COL18A1: variants seen among roughly 807,000 people sequenced by gnomAD.
COL18A1 encodes the protein collagen alpha-1(XVIII) chain.
COL18A1 carries 133 observed loss-of-function variants against 168.0 expected under a neutral mutation model. The observed-to-expected ratio is 0.79, with a 90% confidence interval of 0.69 to 0.91. COL18A1 has a LOEUF of 0.91. Among genes scored for constraint, COL18A1 ranks in the 40% least tolerant of loss-of-function variants. The probability of loss-of-function intolerance (pLI) is 0.00; values close to 1 mark genes in which losing one functional copy is unlikely to be tolerated. For synonymous variants in COL18A1, 949 were observed against 809.0 expected, an observed-to-expected ratio of 1.17 and a Z score of -2.94; for missense variants, 2,126 against 1,925.4, an observed-to-expected ratio of 1.10 and a Z score of -1.95.
chr21:45,457,488 G>C lies in COL18A1; in HGVS notation c.107-10754G>C, dbSNP rs1402568360. On this transcript the variant is annotated intron_variant, in intron 2 of 41. Coordinates refer to ENST00000651438, the MANE Select transcript of COL18A1 (RefSeq NM_001379500.1). The surrounding 1 kb of genome is among the most constrained non-coding windows in gnomAD (Gnocchi z 4.6). ...CCCTGCCACAGTGGGGGCCGCTTCT[G>C]GGCCCAGGGGACGTTGCCCCATCAC... Among the ~76,000 whole-genome samples, 2 of 152,210 alleles carry C rather than the reference G, an allele frequency of 1.3e-5. No individual in the cohort carries two copies. Among genetic ancestry groups the C allele is most frequent in the Non-Finnish European group, 2.9e-5 (2 of 68,040 alleles).
chr21:45,412,522 G>A (rs1241395669), intron 2 of COL18A1, among the ~76,000 whole-genome samples: 4 of 152,174 alleles, frequency 2.6e-5, no homozygotes, highest in Non-Finnish European at 5.9e-5. Context: ...GATTCCAGGC[G>A]TGTGCCACTG....
intron 2 of COL18A1, chr21:45,456,988 T>G: frequency 1.8e-4 from 168 of 912,984 alleles, no homozygotes; most frequent in Non-Finnish European, 2.2e-4. Context: ...ATCGAATCTC[T>G]ACGTTCAGGG....
rs186139814 is a variant in COL18A1, at chr21:45,431,017, G to A, written c.106+25544G>A. On this transcript the variant is annotated intron_variant, in intron 2 of 41. Coordinates refer to ENST00000651438, the MANE Select transcript of COL18A1 (RefSeq NM_001379500.1). ...GCCCTTGCCTGTTGACGGGCGGGCC[G>A]AGCAGGACTGTTCTCAGGCAGGCAC... Among the ~76,000 whole-genome samples, 543 of 152,372 alleles carry A rather than the reference G, an allele frequency of 3.6e-3. 5 individuals are homozygous for A. The highest frequency in any genetic ancestry group is 0.012 in the African/African-American group (501 of 41,586).
chr21:45,502,094 C>T (rs951664373), intron 32 of COL18A1, among the ~76,000 whole-genome samples: 3 of 151,110 alleles, frequency 2.0e-5, no homozygotes, highest in African/African-American at 4.9e-5. Flanking sequence ...GCTCCACAGC[C>T]GGTCACCTCC....
chr21:45,455,951 G>C (rs2145852221), intron 2 of COL18A1: 1 of 1,613,088 alleles, frequency 6.2e-7, no homozygotes, highest in Non-Finnish European at 8.5e-7. Context: ...GGCCAGGGCG[G>C]AAACCCTGGT....
intron 38 of COL18A1, among the ~76,000 whole-genome samples, chr21:45,508,416 A>G (rs1029102964): frequency 4.1e-5 from 5 of 120,984 alleles, no homozygotes; most frequent in Non-Finnish European, 6.6e-5. Flanking sequence ...AGATGAGTGG[A>G]TGAATGGGTG....
chr21:45,408,816 G>A (rs990816735), intron 2 of COL18A1, among the ~76,000 whole-genome samples: 1 of 152,190 alleles, frequency 6.6e-6, no homozygotes, highest in Admixed American at 6.5e-5. Context: ...TTGGAGACCC[G>A]AGGCCACCCT....
intron 38 of COL18A1, among the ~76,000 whole-genome samples, chr21:45,508,038 TACGTAGGTA>T: frequency 6.6e-6 from 1 of 150,522 alleles, no homozygotes; most frequent in Admixed American, 6.6e-5. Context: ...GGTGAGTGGA[TACGTAGGTA>T]GATGGGGAGG....
rs112155290 is a variant in COL18A1 at position 45,505,302 on chromosome 21, C to T, written c.3013+24C>T. The T allele has an allele frequency of 2.1e-4, 336 of 1,604,372 alleles. 1 individual carries two copies. The highest frequency in any genetic ancestry group is 1.7e-3 in the African/African-American group (130 of 74,818). ...GAGTAAGTCAGTGGGGAGTGGGCCCCGGGCAGAGGCCGCCTCGTGTGGCTT... is the reference window on the plus strand; with the variant it reads ...GAGTAAGTCAGTGGGGAGTGGGCCCTGGGCAGAGGCCGCCTCGTGTGGCTT... On this transcript the variant is annotated intron_variant, in intron 35 of 41. Coordinates refer to ENST00000651438, the MANE Select transcript of COL18A1 (RefSeq NM_001379500.1).
chr21:45,474,498 CTG>C (rs746647832), intron 4 of COL18A1, among the ~76,000 whole-genome samples: 14 of 150,308 alleles, frequency 9.3e-5, no homozygotes, highest in Non-Finnish European at 1.3e-4. Flanking sequence ...TGGTGTGTCT[CTG>C]TGGTGTGTCT....
intron 2 of COL18A1, among the ~76,000 whole-genome samples, chr21:45,465,118 T>C (rs78392209): frequency 0.029 from 4,441 of 152,342 alleles, 231 homozygotes; most frequent in African/African-American, 0.1. Context: ...TCCTCAGCCC[T>C]TCCTGACTGA....
At chr21:45,412,116 T>C (rs1410528098) in intron 2 of COL18A1, among the ~76,000 whole-genome samples, 1 of 152,228 alleles carries the variant, frequency 6.6e-6, no homozygotes, top group Non-Finnish European at 1.5e-5. Context: ...TGCATTCTCT[T>C]TCCCCGTAGC....
Position 45,498,578 on chromosome 21 carries a change from C to CAG in COL18A1, c.2683+920_2683+921dup, listed in dbSNP as rs1568931503. 2.8e-6 allele frequency: 2 copies of CAG among 716,502 alleles called. No individual in the cohort carries two copies. Among genetic ancestry groups the CAG allele is most frequent in the South Asian group, 3.0e-5 (2 of 67,570 alleles). The allele number at this position is 716,502 out of a possible 1,614,324, so 44.4% of individuals were successfully genotyped here. The stretch of plus-strand genomic sequence containing the variant: ...CTGGGGTGGGAAGGGACCAGGCAGG[C>CAG]AGAGGCCGAGTCTGGGCCGGGACAT... On this transcript the variant is annotated intron_variant, in intron 32 of 41. Coordinates refer to ENST00000651438, the MANE Select transcript of COL18A1 (RefSeq NM_001379500.1). This position sits in a 1 kb window ranked among gnomAD's most constrained non-coding sequence, Gnocchi z 4.5.
At chr21:45,507,444 C>G (rs1465448683) in intron 37 of COL18A1, 117 bp from the exon 38 acceptor site, 5 of 710,474 alleles carry the variant, frequency 7.0e-6, no homozygotes, top group Non-Finnish European at 1.1e-5. Flanking sequence ...GGGAGGGCAC[C>G]CTCCTGTGGG....
rs1219903049 is a variant in COL18A1 at position 45,437,189 on chromosome 21, CAG to C, written c.107-31051_107-31050del. On this transcript the variant is annotated intron_variant, in intron 2 of 41. Transcript: ENST00000651438. ...GCACTCTCCTGCACACACACTCACA[CAG>C]ACACACAGGCACTCTCCTGCACACA... Among the ~76,000 whole-genome samples, 10 of 98,328 alleles carry C rather than the reference CAG, an allele frequency of 1.0e-4. 1 individual carries two copies. Among genetic ancestry groups the C allele is most frequent in the South Asian group, 8.8e-4 (3 of 3,402 alleles). 64.5% of individuals were successfully genotyped at this position (98,328 alleles called of 152,430 possible). A position where few individuals can be genotyped will look rare whatever the true frequency, so the allele number is the denominator to read the frequency against.
chr21:45,496,186 G>C (rs1351972407), intron 29 of COL18A1: 1 of 543,268 alleles, frequency 1.8e-6, no homozygotes, highest in Non-Finnish European at 3.5e-6. Flanking sequence ...TGAGCCAAGA[G>C]CTTTGTCTCC....
chr21:45,430,618 G>A (rs1172039905), intron 2 of COL18A1, among the ~76,000 whole-genome samples: 1 of 152,212 alleles, frequency 6.6e-6, no homozygotes, highest in African/African-American at 2.4e-5. Context: ...GAGCGCGTGG[G>A]TGGCTGCCTA....
chr21:45,434,457 G>T (rs1471156251), intron 2 of COL18A1, among the ~76,000 whole-genome samples: 2 of 152,188 alleles, frequency 1.3e-5, no homozygotes, highest in African/African-American at 4.8e-5. Context: ...CTCTCTCCGG[G>T]GGGGTTTGCA....
intron 20 of COL18A1, among the ~76,000 whole-genome samples, chr21:45,490,559 T>TCTGGGCCC (rs2036293763): frequency 1.1e-5 from 1 of 89,210 alleles, no homozygotes; most frequent in Admixed American, 1.1e-4. Flanking sequence ...CTCCTGGGTC[T>TCTGGGCCC]CCGTGTGCCC....
Sources: allele counts gnomAD v4.1 joint callset (sites outside exome capture counted in the v4.1 genomes callset), GRCh38; gene constraint gnomAD v4.1.1; non-coding constraint Gnocchi (gnomAD v3.1); transcripts MANE v1.5; gene names NCBI Gene and HGNC (gene_info 2026-07-23, HGNC 2026-07-21).